Variants in PDCD4 observed in about 807,000 individuals in gnomAD.
PDCD4 encodes programmed cell death protein 4.
A neutral mutation model predicts 54.0 loss-of-function variants in PDCD4; 56 were observed. The observed-to-expected ratio is 1.04, with a 90% CI of 0.84 to 1.30. The LOEUF is 1.30. PDCD4 is among the 50% of genes most tolerant of loss of function. PDCD4 has a pLI of 0.00. For missense variants in PDCD4, 584 were observed against 559.8 expected (o/e 1.04, Z -0.44); for synonymous variants, 186 against 194.8 (o/e 0.95, Z 0.37).
rs1419857953 is a variant in PDCD4, at chr10:110,872,019, G to A, written c.-63+1G>A. The A allele has an allele frequency of 6.6e-6, 1 of 152,590 alleles. No individual in the cohort carries two copies. The highest frequency in any genetic ancestry group is 6.5e-5 in the Admixed American group (1 of 15,288). 9.5% of individuals were successfully genotyped at this position (152,590 alleles called of 1,614,324 possible). ...GCGAGCAGCGGCGGGGGCCCGAGGG[G>A]TCAGTACCAGTAGGCGCGGCTCACA... On this transcript the variant is annotated splice_donor_variant, in intron 1 of 11. Transcript: ENST00000280154. LOFTEE classifies it low-confidence loss of function (5UTR_SPLICE).
chr10:110,885,895 A>T (rs1845663677), intron 5 of PDCD4, among the ~76,000 whole-genome samples: 1 of 152,198 alleles, frequency 6.6e-6, no homozygotes, highest in South Asian at 2.1e-4. Flanking sequence ...TTCATAAAGT[A>T]AATCTAGGAT....
intron 5 of PDCD4, 85 bp downstream of exon 5, chr10:110,885,451 G>A: frequency 1.7e-6 from 1 of 585,868 alleles, no homozygotes; most frequent in Non-Finnish European, 3.1e-6. Context: ...AATGATCTTG[G>A]GTCACTGAAT....
At chr10:110,875,297 T>G (rs954790771) in intron 1 of PDCD4, among the ~76,000 whole-genome samples, 4 of 152,146 alleles carry the variant, frequency 2.6e-5, no homozygotes, top group African/African-American at 9.6e-5. Flanking sequence ...CTTACTCCTT[T>G]CTGAAATGAT....
At chr10:110,894,252 G>GTAGC in intron 9 of PDCD4, 54 bp downstream of exon 9, 1 of 1,050,708 alleles carries the variant, frequency 9.5e-7, no homozygotes. Context: ...TTTTTGTACT[G>GTAGC]TAGCGACTTA....
rs1374702323 is a variant in PDCD4 at position 110,897,096 on chromosome 10, C to CT, written c.1350-929dup. Among the ~76,000 whole-genome samples, 3 of 152,222 alleles carry CT rather than the reference C, an allele frequency of 2.0e-5. No homozygotes were observed. The East Asian group carries it at 5.8e-4, about 29-fold the overall frequency. On this transcript the variant is annotated intron_variant, in intron 11 of 11. Transcript: ENST00000280154. ...ACCTTGGTCTCATACAGTCTGAAGCCTTTATGTTCAAGATGATGTAGCTGT... is the reference window on the plus strand; with the variant it reads ...ACCTTGGTCTCATACAGTCTGAAGCCTTTTATGTTCAAGATGATGTAGCTGT...
chr10:110,876,831 A>G (rs895776427), intron 2 of PDCD4: 37 of 462,210 alleles, frequency 8.0e-5, no homozygotes, highest in Middle Eastern at 5.5e-4. Flanking sequence ...GAATTGTGTA[A>G]TATCTGAATA....
At chr10:110,895,170 C>G (rs915037867) in intron 10 of PDCD4, among the ~76,000 whole-genome samples, 2 of 151,982 alleles carry the variant, frequency 1.3e-5, no homozygotes, top group Non-Finnish European at 2.9e-5. Flanking sequence ...ATTAATGATC[C>G]TGTCCCTCAG....
intron 2 of PDCD4, among the ~76,000 whole-genome samples, chr10:110,878,674 T>C (rs949066485): frequency 3.3e-5 from 5 of 152,256 alleles, no homozygotes; most frequent in African/African-American, 7.2e-5. Flanking sequence ...TCTGTAGTTA[T>C]ATGGGATTAA....
At chr10:110,897,305 C>A (rs1438937384) in intron 11 of PDCD4, among the ~76,000 whole-genome samples, 2 of 152,188 alleles carry the variant, frequency 1.3e-5, no homozygotes, top group African/African-American at 4.8e-5. Flanking sequence ...CATCTTTTAG[C>A]CTATTTGGGT....
chr10:110,882,757 T>C (rs1845610893), intron 3 of PDCD4, among the ~76,000 whole-genome samples: 1 of 152,210 alleles, frequency 6.6e-6, no homozygotes, highest in Admixed American at 6.5e-5. Context: ...TTATTTGTTT[T>C]TGCTTTTATT....
chr10:110,888,168 T>C (rs1845699688), intron 6 of PDCD4, among the ~76,000 whole-genome samples: 1 of 152,056 alleles, frequency 6.6e-6, no homozygotes, highest in African/African-American at 2.4e-5. Flanking sequence ...TATATAGTCT[T>C]TGTTATATGT....
intron 10 of PDCD4, 103 bp downstream of exon 10, chr10:110,894,625 AGTGTT>A: frequency 1.7e-6 from 1 of 574,204 alleles, no homozygotes; most frequent in Non-Finnish European, 3.1e-6. Flanking sequence ...AGGTATGTTT[AGTGTT>A]AATATGCCTA....
chr10:110,876,971 C>CT (rs1845514998), intron 2 of PDCD4, among the ~76,000 whole-genome samples: 1 of 152,080 alleles, frequency 6.6e-6, no homozygotes, highest in South Asian at 2.1e-4. Flanking sequence ...TCCTCAGTGA[C>CT]TTAACTCACT....
Position 110,894,154 on chromosome 10 carries a change from A to C in PDCD4, c.1054A>C (p.Lys352Gln). 2.5e-6 allele frequency: 4 copies of C among 1,607,680 alleles called. No homozygotes were observed. In the South Asian group the frequency reaches 4.4e-5, roughly 18 times the overall value. The change falls in exon 9 of 12, where the codon AAG becomes CAG. Residue 352 changes from lysine (K) to glutamine (Q), a missense_variant. By Grantham distance (53) the Lys-to-Gln change is moderately conservative (BLOSUM62 1). Coordinates refer to ENST00000280154, the MANE Select transcript of PDCD4 (RefSeq NM_014456.5). The part of the protein sequence containing the change: ...GDISEAEHCL[K>Q]ELEVPHFHHE... ...CATATCTGAAGCTGAACATTGCCTTAAGGAACTGGAAGTACCTCATTTTCA... is the reference window on the plus strand; with the variant it reads ...CATATCTGAAGCTGAACATTGCCTTCAGGAACTGGAAGTACCTCATTTTCA...
chr10:110,882,901 A>AG, intron 3 of PDCD4, 102 bp from the exon 4 acceptor site: 1 of 756,328 alleles, frequency 1.3e-6, no homozygotes. Context: ...CGTTAAATAC[A>AG]ATTTTTTTTT....
rs1460212132 is a variant in PDCD4, at chr10:110,887,673, A to G, written c.564A>G (p.Leu188=). The G allele has an allele frequency of 1.2e-6, 2 of 1,605,466 alleles. No homozygotes were observed. Among genetic ancestry groups the G allele is most frequent in the South Asian group, 2.2e-5 (2 of 90,676 alleles). ...HGDTNEVAEM[L]RDLNLGEMKS... ...ATTATTTTTTTGAACAGGAAATGTTAAGAGATTTAAATCTTGGTGAAATGA... is the reference window on the plus strand; with the variant it reads ...ATTATTTTTTTGAACAGGAAATGTTGAGAGATTTAAATCTTGGTGAAATGA... The change falls in exon 6 of 12, where the codon TTA becomes TTG. Residue 188 remains leucine (L), a synonymous_variant. Transcript: ENST00000280154.
chr10:110,877,678 C>T (rs975970618), intron 2 of PDCD4, among the ~76,000 whole-genome samples: 2 of 152,088 alleles, frequency 1.3e-5, no homozygotes, highest in Non-Finnish European at 2.9e-5. Context: ...TTGTGTCCAG[C>T]ACTGCTTTAA....
At chr10:110,895,397 A>G (rs184113821) in intron 10 of PDCD4, among the ~76,000 whole-genome samples, 6 of 152,290 alleles carry the variant, frequency 3.9e-5, no homozygotes, top group Admixed American at 1.3e-4. Flanking sequence ...CGTTGCTGCA[A>G]AGGACATGAT....
Position 110,898,644 on chromosome 10 carries a change from G to GT in PDCD4, c.*557dup, listed in dbSNP as rs1312449120. The stretch of plus-strand genomic sequence containing the variant: ...TGGTCTTAAAAGACTAGACAGTTAA[G>GT]TAAAAGGTGGCTGGAACATCTATTT... On this transcript the variant is annotated 3_prime_UTR_variant, in exon 12 of 12. Transcript: ENST00000280154. 3 of 152,602 alleles carry GT rather than the reference G, an allele frequency of 2.0e-5. No homozygotes were observed. The highest frequency in any genetic ancestry group is 2.0e-4 in the Admixed American group (3 of 15,274). The allele number at this position is 152,602 out of a possible 1,614,324, so 9.5% of individuals were successfully genotyped here.
Sources: gnomAD v4.1 joint callset for allele counts (sites outside exome capture counted in the v4.1 genomes callset) on GRCh38, gnomAD v4.1.1 for gene constraint, MANE v1.5 for transcripts, NCBI Gene and HGNC (gene_info 2026-07-23, HGNC 2026-07-21) for gene names.